FABP12: variants seen among roughly 807,000 people sequenced by gnomAD.
FABP12 encodes fatty acid-binding protein 12.
A neutral mutation model predicts 13.7 loss-of-function variants in FABP12; 19 were observed. The observed-to-expected ratio is 1.39, with a 90% CI of 0.97 to 2.04. The LOEUF (loss-of-function observed/expected upper bound fraction) is 2.04. FABP12 is among the 30% of genes most tolerant of loss of function. The pLI, the probability that FABP12 is intolerant of heterozygous loss-of-function variation, is 0.00. For synonymous variants in FABP12, 61 were observed against 57.0 expected, an observed-to-expected ratio of 1.07 and a Z score of -0.32; for missense variants, 182 against 164.2, an observed-to-expected ratio of 1.11 and a Z score of -0.59.
intron 1 of FABP12, among the ~76,000 whole-genome samples, chr8:81,583,785 T>C (rs1810203029): frequency 6.6e-6 from 1 of 152,128 alleles, no homozygotes; most frequent in Non-Finnish European, 1.5e-5. Context: ...CTAACACTAG[T>C]TTTCTTCAAA....
chr8:81,526,808 G>A (rs4144766), intron 4 of FABP12, among the ~76,000 whole-genome samples: 145,223 of 152,282 alleles, frequency 0.95, 69,325 homozygotes, highest in East Asian at 1. Context: ...TAGGCTGCAT[G>A]ATATTTTCAT....
intron 1 of FABP12, among the ~76,000 whole-genome samples, chr8:81,546,214 C>A (rs1282303379): frequency 6.6e-6 from 1 of 152,112 alleles, no homozygotes; most frequent in African/African-American, 2.4e-5. Context: ...TGTTTCTTGC[C>A]AATCAATTTC....
At chr8:81,583,520 G>A (rs1585861723) in intron 1 of FABP12, among the ~76,000 whole-genome samples, 1 of 151,966 alleles carries the variant, frequency 6.6e-6, no homozygotes, top group Non-Finnish European at 1.5e-5. Flanking sequence ...CATTATAACC[G>A]ATATCACAGA....
At chr8:81,588,979 C>T (rs1199806034) in intron 1 of FABP12, among the ~76,000 whole-genome samples, 2 of 152,138 alleles carry the variant, frequency 1.3e-5, no homozygotes, top group African/African-American at 2.4e-5. Context: ...AGCCACAGCC[C>T]ATCCCTAAGC....
At chr8:81,589,601 C>G (rs77136150) in intron 1 of FABP12, among the ~76,000 whole-genome samples, 205 of 152,328 alleles carry the variant, frequency 1.3e-3, no homozygotes, top group African/African-American at 4.9e-3. Context: ...TGACAAGCCC[C>G]TGCTTAAGCA....
At chr8:81,555,039 T>C (rs1368842797) in intron 1 of FABP12, among the ~76,000 whole-genome samples, 1 of 151,836 alleles carries the variant, frequency 6.6e-6, no homozygotes, top group Non-Finnish European at 1.5e-5. Flanking sequence ...ACAAATTACT[T>C]GGATGAGAAA....
intron 1 of FABP12, among the ~76,000 whole-genome samples, chr8:81,552,772 A>G (rs1291050328): frequency 2.4e-4 from 36 of 152,284 alleles, no homozygotes; most frequent in Non-Finnish European, 1.5e-4. Context: ...ATATTTGAAG[A>G]ATTGATTGGA....
chr8:81,548,476 C>A (rs916187063), intron 1 of FABP12, among the ~76,000 whole-genome samples: 1 of 152,144 alleles, frequency 6.6e-6, no homozygotes, highest in Non-Finnish European at 1.5e-5. Flanking sequence ...GGGATGAGAT[C>A]ATGCAAGTAT....
Position 81,579,464 on chromosome 8 carries a change from T to A in FABP12, c.-185+10589A>T, listed in dbSNP as rs536889094. Among the ~76,000 whole-genome samples, 150 of 152,310 alleles carry A rather than the reference T, an allele frequency of 9.8e-4. 2 individuals carry two copies. Among genetic ancestry groups the A allele is most frequent in the African/African-American group, 3.5e-3 (147 of 41,572 alleles). On this transcript the variant is annotated intron_variant, in intron 1 of 5. Transcript: ENST00000692030. ...TTTGGACTTTTTTATTTCTTTATTT[T>A]CCCAGCCATGTCATAAATGTTTAGA...
intron 1 of FABP12, among the ~76,000 whole-genome samples, chr8:81,567,518 C>T (rs149279286): frequency 1.1e-3 from 167 of 152,276 alleles, no homozygotes; most frequent in African/African-American, 4.0e-3. Context: ...CTAGAGTAAA[C>T]TCCTATTTGA....
intron 1 of FABP12, among the ~76,000 whole-genome samples, chr8:81,563,829 C>CTTAAAGAGTAGAGGCT (rs775945552): frequency 1.3e-5 from 2 of 152,118 alleles, no homozygotes; most frequent in South Asian, 2.1e-4. Context: ...AGTTATTGGC[C>CTTAAAGAGTAGAGGCT]TTAAAGAGTA....
At chr8:81,557,829 A>G (rs1180056064) in intron 1 of FABP12, among the ~76,000 whole-genome samples, 1 of 152,210 alleles carries the variant, frequency 6.6e-6, no homozygotes, top group Admixed American at 6.5e-5. Flanking sequence ...TTCCTGTAAA[A>G]TCATTTAAAT....
upstream of FABP12, among the ~76,000 whole-genome samples, chr8:81,535,904 C>G (rs955411931): frequency 6.6e-6 from 1 of 152,098 alleles, no homozygotes; most frequent in Non-Finnish European, 1.5e-5. Context: ...TCCATTCCTG[C>G]CTTCTTTTGA....
At chr8:81,577,492 T>C (rs549312636) in intron 1 of FABP12, among the ~76,000 whole-genome samples, 1 of 152,284 alleles carries the variant, frequency 6.6e-6, no homozygotes, top group South Asian at 2.1e-4. Context: ...GGTGCAGTGG[T>C]TCACGTCTGT....
chr8:81,552,235 G>T (rs1809533842), intron 1 of FABP12, among the ~76,000 whole-genome samples: 1 of 152,180 alleles, frequency 6.6e-6, no homozygotes, highest in East Asian at 1.9e-4. Flanking sequence ...AACATTCCAA[G>T]CGGAGATAAC....
upstream of FABP12, among the ~76,000 whole-genome samples, chr8:81,538,144 G>A (rs1809268148): frequency 6.6e-6 from 1 of 152,098 alleles, no homozygotes; most frequent in Non-Finnish European, 1.5e-5. Context: ...TAAACAACCA[G>A]ATCTTGTGTG....
At chr8:81,578,711 C>G (rs1261709835) in intron 1 of FABP12, among the ~76,000 whole-genome samples, 1 of 146,636 alleles carries the variant, frequency 6.8e-6, no homozygotes, top group East Asian at 1.9e-4. Flanking sequence ...GTCTTGATCT[C>G]TTGACCTTGT....
At chr8:81,567,983 C>G (rs980100859) in intron 1 of FABP12, among the ~76,000 whole-genome samples, 2 of 152,038 alleles carry the variant, frequency 1.3e-5, no homozygotes, top group African/African-American at 2.4e-5. Flanking sequence ...ATTAGCCGGG[C>G]GCGGTGGCGG....
chr8:81,540,042 T>G (rs1809309929), intron 1 of FABP12, among the ~76,000 whole-genome samples: 1 of 152,188 alleles, frequency 6.6e-6, no homozygotes, highest in African/African-American at 2.4e-5. Context: ...GAATATATAT[T>G]TCTAAAATTA....
Sources: allele counts gnomAD v4.1 joint callset (sites outside exome capture counted in the v4.1 genomes callset), GRCh38; gene constraint gnomAD v4.1.1; transcripts MANE v1.5; gene names NCBI Gene and HGNC (gene_info 2026-07-23, HGNC 2026-07-21).